The following VWA2 variants were observed in gnomAD, a reference collection of about 807,000 sequenced individuals.
The protein encoded by VWA2 is von Willebrand factor A domain-containing protein 2.
Under a neutral mutation model 70.4 loss-of-function variants are expected in VWA2, and 73 were observed. That is an observed-to-expected ratio of 1.04 (90% CI 0.86 to 1.26). The LOEUF (loss-of-function observed/expected upper bound fraction) is 1.26. Ranked by LOEUF, VWA2 falls within the 50% of genes most tolerant of loss-of-function variation. The pLI is 0.00. For missense variants in VWA2, 1,011 were observed against 998.5 expected, an observed-to-expected ratio of 1.01 and a Z score of -0.17; for synonymous variants, 407 against 423.3, an observed-to-expected ratio of 0.96 and a Z score of 0.47.
rs2039797121 is a variant in VWA2 at position 114,293,557 on chromosome 10, T to A, written c.*2320T>A. Among the ~76,000 whole-genome samples the A allele has an allele frequency of 6.6e-6, 1 of 152,214 alleles. No individual in the cohort carries two copies. The highest frequency in any genetic ancestry group is 2.4e-5 in the African/African-American group (1 of 41,458). The stretch of plus-strand genomic sequence containing the variant: ...TTGTCAGTCCCCCAGGAAAGTGCTA[T>A]CCTATGGCCTAACTAGCCAAGCCTT... On this transcript the variant is annotated 3_prime_UTR_variant, in exon 14 of 14. Coordinates refer to ENST00000392982, the MANE Select transcript of VWA2 (RefSeq NM_001272046.2).
At chr10:114,244,691 G>A (rs2037033887) in intron 1 of VWA2, among the ~76,000 whole-genome samples, 1 of 152,194 alleles carries the variant, frequency 6.6e-6, no homozygotes, top group African/African-American at 2.4e-5. Flanking sequence ...AGTATTGTAG[G>A]AAAATTTTGA....
intron 9 of VWA2, among the ~76,000 whole-genome samples, chr10:114,284,549 C>T (rs980358528): frequency 1.3e-5 from 2 of 152,212 alleles, no homozygotes; most frequent in African/African-American, 4.8e-5. Context: ...GCAGCTCTCT[C>T]TCAGTCTTGA....
chr10:114,278,812 G>A lies in VWA2; in HGVS notation c.794G>A (p.Arg265Gln), dbSNP rs145424503. ...GCCCCATGCTGGAGAGGATCGCGGC[G>A]GACCCTTGCGGTGCTGGCTGCACAC... is the stretch of plus-strand genomic sequence containing the variant. The part of the protein sequence containing the change: ...GNAPCWRGSR[R>Q]TLAVLAAHCP... The change falls in exon 8 of 14, where the codon CGG becomes CAG. Residue 265 changes from arginine to glutamine, a missense_variant. Transcript: ENST00000392982. The A allele has an allele frequency of 3.8e-5, 62 of 1,613,474 alleles. No individual in the cohort carries two copies. The East Asian group carries it at 5.3e-4, about 14-fold the overall frequency.
chr10:114,284,514 T>A (rs1189773609), intron 9 of VWA2, among the ~76,000 whole-genome samples: 1 of 151,838 alleles, frequency 6.6e-6, no homozygotes, highest in African/African-American at 2.4e-5. Context: ...GTGTAGAACT[T>A]AGAAGACAGG....
chr10:114,253,873 A>C (rs1192838268), intron 3 of VWA2, 148 bp downstream of exon 3: 9 of 753,850 alleles, frequency 1.2e-5, no homozygotes, highest in Non-Finnish European at 1.9e-5. Context: ...CCAAACAGGG[A>C]CCTGACCAAA....
intron 6 of VWA2, among the ~76,000 whole-genome samples, chr10:114,273,822 A>G (rs2037762721): frequency 6.6e-6 from 1 of 152,242 alleles, no homozygotes; most frequent in Non-Finnish European, 1.5e-5. Context: ...TGGAGTTTCC[A>G]TTCTCAGAAA....
chr10:114,266,594 T>C (rs2037572274), intron 5 of VWA2, among the ~76,000 whole-genome samples: 1 of 152,148 alleles, frequency 6.6e-6, no homozygotes, highest in African/African-American at 2.4e-5. Context: ...TTAAAAAACA[T>C]TGCAGTCAAA....
At chr10:114,272,696 A>G in intron 5 of VWA2, 44 bp from the exon 6 acceptor site, 1 of 1,494,104 alleles carries the variant, frequency 6.7e-7, no homozygotes, top group Non-Finnish European at 9.0e-7. Flanking sequence ...TCACCTCCCC[A>G]CATCATTCAC....
chr10:114,239,827 G>A (rs1040520025), intron 1 of VWA2, among the ~76,000 whole-genome samples: 2 of 152,218 alleles, frequency 1.3e-5, no homozygotes, highest in Non-Finnish European at 2.9e-5. Context: ...CTCGCGGTCC[G>A]TCCCGGGCGA....
chr10:114,274,741 C>T (rs1311805013), intron 6 of VWA2, among the ~76,000 whole-genome samples: 3 of 152,086 alleles, frequency 2.0e-5, no homozygotes, highest in African/African-American at 7.2e-5. Flanking sequence ...GTGACCCACC[C>T]GTCTCAGCCT....
intron 2 of VWA2, among the ~76,000 whole-genome samples, chr10:114,252,511 C>T (rs997693337): frequency 6.6e-6 from 1 of 152,148 alleles, no homozygotes; most frequent in Non-Finnish European, 1.5e-5. Flanking sequence ...TGACCAATAA[C>T]GTGGGTCATT....
rs1215054979 is a variant in VWA2, at chr10:114,292,731, G to A, written c.*1494G>A. ...TCGTTTTTCTTTTTTTTGAGACGGA[G>A]TTTTGCTCTTGTTGCCCAGGCTAGA... On this transcript the variant is annotated 3_prime_UTR_variant, in exon 14 of 14. Transcript: ENST00000392982. 6.6e-6 allele frequency among the ~76,000 whole-genome samples: 1 copy of A among 151,782 alleles called. No individual in the cohort carries two copies. The highest frequency in any genetic ancestry group is 1.9e-4 in the East Asian group (1 of 5,164).
In VWA2 at chr10:114,294,111, C is replaced by G. The variant is rs781738964; in HGVS notation, c.*2874C>G. On this transcript the variant is annotated 3_prime_UTR_variant, in exon 14 of 14. Coordinates refer to ENST00000392982, the MANE Select transcript of VWA2 (RefSeq NM_001272046.2). ...TGTGTATTTTCAATCATTGAACAACCCTTGATTTTTTTGGATAAACTCTAT... is the reference window on the plus strand; with the variant it reads ...TGTGTATTTTCAATCATTGAACAACGCTTGATTTTTTTGGATAAACTCTAT... 9.9e-5 allele frequency among the ~76,000 whole-genome samples: 15 copies of G among 152,016 alleles called. No individual in the cohort carries two copies. Among genetic ancestry groups the G allele is most frequent in the Non-Finnish European group, 1.5e-4 (10 of 67,982 alleles).
chr10:114,246,343 A>C lies in VWA2; in HGVS notation c.-10-2361A>C, dbSNP rs888761096. On this transcript the variant is annotated intron_variant, in intron 1 of 13. Transcript: ENST00000392982. The stretch of plus-strand genomic sequence containing the variant: ...TGGTGAAACCCCGTCTCTACTAAAA[A>C]TACAAAAATTAGCTGGGCGTGGTGG... 3 of 577,172 alleles carry C rather than the reference A, an allele frequency of 5.2e-6. No individual in the cohort carries two copies. In the African/African-American group the frequency reaches 5.6e-5, roughly 11 times the overall value. The allele number at this position is 577,172 out of a possible 1,614,324, so 35.8% of individuals were successfully genotyped here.
chr10:114,259,479 T>A (rs1163786792), intron 4 of VWA2, among the ~76,000 whole-genome samples: 2 of 152,148 alleles, frequency 1.3e-5, no homozygotes, highest in Admixed American at 1.3e-4. Flanking sequence ...GTTGTTTTTT[T>A]TTTTTCATGT....
chr10:114,243,547 G>T (rs1165026964), intron 1 of VWA2, among the ~76,000 whole-genome samples: 1 of 152,142 alleles, frequency 6.6e-6, no homozygotes, highest in African/African-American at 2.4e-5. Flanking sequence ...TCTGGTAAAG[G>T]GCTCAGATTT....
At chr10:114,278,394 C>T (rs948594028) in intron 7 of VWA2, among the ~76,000 whole-genome samples, 29 of 152,146 alleles carry the variant, frequency 1.9e-4, no homozygotes, top group Non-Finnish European at 4.3e-4. Context: ...GTGCGAGATC[C>T]CTGCATTCTA....
intron 1 of VWA2, among the ~76,000 whole-genome samples, chr10:114,247,658 T>C (rs1261821228): frequency 6.7e-6 from 1 of 150,306 alleles, no homozygotes; most frequent in Non-Finnish European, 1.5e-5. Context: ...TGCAAATAAC[T>C]ATGTCAAAAA....
At position 114,278,766 on chromosome 10, in the gene VWA2, G is replaced by T; in HGVS notation, c.748G>T (p.Val250Phe). 6.2e-7 allele frequency: 1 copy of T among 1,613,946 alleles called. No individual in the cohort carries two copies. Among genetic ancestry groups the T allele is most frequent in the Admixed American group, 1.7e-5 (1 of 60,026 alleles). The change falls in exon 8 of 14, where the codon GTC (valine) becomes TTC (phenylalanine). Residue 250 changes from valine to phenylalanine, a missense_variant. Coordinates refer to ENST00000392982, the MANE Select transcript of VWA2 (RefSeq NM_001272046.2). ...CTGTGAGCACAGGACGCTGGAGATG[G>T]TCCGGGAGTTCGCTGGCAATGCCCC... ...HPCEHRTLEMVREFAGNAPCW... is the reference protein window; with the variant it reads ...HPCEHRTLEMFREFAGNAPCW...
Sources: gnomAD v4.1 joint callset for allele counts (sites outside exome capture counted in the v4.1 genomes callset) on GRCh38, gnomAD v4.1.1 for gene constraint, MANE v1.5 for transcripts, NCBI Gene and HGNC (gene_info 2026-07-23, HGNC 2026-07-21) for gene names.